Variants in VPS39 observed in about 807,000 individuals in gnomAD.
VPS39 encodes VPS39 subunit of HOPS complex.
In VPS39, 70 loss-of-function variants were observed where a neutral mutation model predicts 121.0. The observed-to-expected ratio is 0.58, with a 90% confidence interval of 0.48 to 0.71. The LOEUF (loss-of-function observed/expected upper bound fraction) is 0.71, where lower values mean the gene tolerates loss of function less well. Ranked by LOEUF, VPS39 falls within the 30% of genes least tolerant of loss-of-function variation. The pLI is 0.00. For synonymous variants in VPS39, 378 were observed against 398.1 expected (o/e 0.95, Z 0.60); for missense variants, 818 against 1,051.5 (o/e 0.78, Z 3.07).
At position 42,187,672 on chromosome 15, in the gene VPS39, G is replaced by T. The variant is rs185535527; in HGVS notation, c.441+86C>A. On this transcript the variant is annotated intron_variant, in intron 6 of 24. Transcript: ENST00000318006. ...ACCAGAGTATTCATTTGCGTAGAAT[G>T]ACAAGACTGGAGTCCTGAACTTCAC... The T allele has an allele frequency of 5.0e-6, 6 of 1,193,932 alleles. No homozygotes were observed. The East Asian group carries it at 1.4e-4, about 28-fold the overall frequency. The allele number at this position is 1,193,932 out of a possible 1,614,324, so 74.0% of individuals were successfully genotyped here. A position where few individuals can be genotyped will look rare whatever the true frequency, so the allele number is the denominator to read the frequency against.
In VPS39 at chr15:42,159,439, G is replaced by A. The variant is rs150212240; in HGVS notation, c.*1315C>T. 2.6e-5 allele frequency: 4 copies of A among 152,444 alleles called. No individual in the cohort carries two copies. The East Asian group carries it at 5.8e-4, about 22-fold the overall frequency. 9.4% of individuals were successfully genotyped at this position (152,444 alleles called of 1,614,324 possible). On this transcript the variant is annotated 3_prime_UTR_variant, in exon 25 of 25. Transcript: ENST00000318006. ...AACCCCGGGGAGGACAGGAGGCAGG[G>A]CCACTCTCCCTGTGTGTCATCAGCC...
chr15:42,166,393 G>C (rs1460179332), intron 15 of VPS39, among the ~76,000 whole-genome samples, 161 bp from the exon 16 acceptor site: 1 of 152,158 alleles, frequency 6.6e-6, no homozygotes, highest in East Asian at 1.9e-4. Flanking sequence ...TCCATACCAG[G>C]GGGCTGTCAC....
chr15:42,176,874 T>G (rs1429535814), intron 10 of VPS39, among the ~76,000 whole-genome samples: 1 of 152,084 alleles, frequency 6.6e-6, no homozygotes, highest in Non-Finnish European at 1.5e-5. Flanking sequence ...AAAGTATCAC[T>G]ATCTGAGGCT....
intron 8 of VPS39, among the ~76,000 whole-genome samples, chr15:42,180,955 A>G (rs2049568990): frequency 6.6e-6 from 1 of 152,198 alleles, no homozygotes; most frequent in South Asian, 2.1e-4. Flanking sequence ...GGAAAACAGT[A>G]TGGTGGTTCC....
chr15:42,158,726 GT>G lies in VPS39; in HGVS notation c.*2027del, dbSNP rs979603290. On this transcript the variant is annotated 3_prime_UTR_variant, in exon 25 of 25. Coordinates refer to ENST00000318006, the MANE Select transcript of VPS39 (RefSeq NM_015289.5). ...TAGGCTTGGTTTCTTGCTTTATTAGGTTTATTATAAGGAGCAGTGATGAGAT... is the reference window on the plus strand; with the variant it reads ...TAGGCTTGGTTTCTTGCTTTATTAGGTTATTATAAGGAGCAGTGATGAGAT... 1.3e-5 allele frequency: 2 copies of G among 152,178 alleles called. No homozygotes were observed. Among genetic ancestry groups the G allele is most frequent in the East Asian group, 3.8e-4 (2 of 5,200 alleles). 9.4% of individuals were successfully genotyped at this position (152,178 alleles called of 1,614,324 possible).
In VPS39 at chr15:42,162,088, G is replaced by T; in HGVS notation, c.2404C>A (p.Gln802Lys). The change falls in exon 23 of 25, where the codon CAA becomes AAA. Residue 802 changes from glutamine (Q) to lysine (K), a missense_variant. Transcript: ENST00000318006. Reference protein sequence around the residue: ...FLEKVLEENAQKKRFNQVLKN... With the variant: ...FLEKVLEENAKKKRFNQVLKN... ...AGCACTTGATTGAACCGTTTCTTTTGTGCATTTTCTTCCAAGACCTTTTCC... is the reference window on the plus strand; with the variant it reads ...AGCACTTGATTGAACCGTTTCTTTTTTGCATTTTCTTCCAAGACCTTTTCC... The T allele has an allele frequency of 6.2e-7, 1 of 1,614,174 alleles. No homozygotes were observed. The highest frequency in any genetic ancestry group is 8.5e-7 in the Non-Finnish European group (1 of 1,180,030).
At chr15:42,164,865 GCTC>G in intron 18 of VPS39, 128 bp downstream of exon 18, 7 of 1,474,142 alleles carry the variant, frequency 4.7e-6, no homozygotes, top group Non-Finnish European at 6.3e-6. Context: ...AGCTCCCCTG[GCTC>G]CTCTTCAGAA....
At chr15:42,165,291 A>C (rs1172194200) in intron 17 of VPS39, 178 bp from the exon 18 acceptor site, 3 of 616,232 alleles carry the variant, frequency 4.9e-6, no homozygotes, top group Non-Finnish European at 5.7e-6. Context: ...AATGCGACCC[A>C]GTAACGTGAG....
In VPS39 at chr15:42,158,966, C is replaced by A. The variant is rs2049076662; in HGVS notation, c.*1788G>T. 6.6e-6 allele frequency: 1 copy of A among 152,252 alleles called. No homozygotes were observed. The highest frequency in any genetic ancestry group is 6.5e-5 in the Admixed American group (1 of 15,286). The allele number at this position is 152,252 out of a possible 1,614,324, so 9.4% of individuals were successfully genotyped here. ...CAGCTGGCCAGGAAGGCAGGGCACA[C>A]ATGGCAGGTCAAGTTCCTGCTATCC... is the stretch of plus-strand genomic sequence containing the variant. On this transcript the variant is annotated 3_prime_UTR_variant, in exon 25 of 25. Coordinates refer to ENST00000318006, the MANE Select transcript of VPS39 (RefSeq NM_015289.5).
At position 42,161,716 on chromosome 15, in the gene VPS39, C is replaced by G; in HGVS notation, c.2518G>C (p.Val840Leu). ...QVKCIITEEK[V>L]CMVCKKKIGN... ...ATCTTCTTCTTACACACCATGCACA[C>G]CTTCTCCTCTGTGATGATGCACTTC... Residue 840 changes from valine to leucine, a missense_variant, in exon 24 of 25, where the codon GTG becomes CTG. Coordinates refer to ENST00000318006, the MANE Select transcript of VPS39 (RefSeq NM_015289.5). 6.2e-7 allele frequency: 1 copy of G among 1,614,218 alleles called. No homozygotes were observed. Among genetic ancestry groups the G allele is most frequent in the Non-Finnish European group, 8.5e-7 (1 of 1,180,038 alleles).
intron 16 of VPS39, 140 bp downstream of exon 16, chr15:42,166,019 C>T (rs1026923477): frequency 2.2e-5 from 22 of 997,538 alleles, no homozygotes; most frequent in East Asian, 1.2e-4. Flanking sequence ...AGTGCTGGCT[C>T]GCGCTTCCCA....
At chr15:42,182,395 TG>T (rs1467767780) in intron 8 of VPS39, among the ~76,000 whole-genome samples, 1 of 152,256 alleles carries the variant, frequency 6.6e-6, no homozygotes, top group Non-Finnish European at 1.5e-5. Context: ...GAAACCCCTT[TG>T]GTTGTCATAT....
In VPS39 at chr15:42,208,252, G is replaced by A. The variant is rs1046303783; in HGVS notation, c.-99C>T. 2 of 1,463,662 alleles carry A rather than the reference G, an allele frequency of 1.4e-6. No homozygotes were observed. The highest frequency in any genetic ancestry group is 2.8e-5 in the African/African-American group (2 of 71,172). The allele number at this position is 1,463,662 out of a possible 1,614,324, so 90.7% of individuals were successfully genotyped here. A position where few individuals can be genotyped will look rare whatever the true frequency, so the allele number is the denominator to read the frequency against. On this transcript the variant is annotated 5_prime_UTR_variant, in exon 1 of 25. Transcript: ENST00000318006. ...TGGGCTAAGGGTAGACCGGGATCCG[G>A]CCAGGAACCCCCCGGCTACAGGCCC... is the stretch of plus-strand genomic sequence containing the variant.
intron 11 of VPS39, 160 bp downstream of exon 11, chr15:42,173,563 A>G: frequency 1.2e-6 from 1 of 865,638 alleles, no homozygotes; most frequent in Non-Finnish European, 1.7e-6. Context: ...ATAGATATGT[A>G]ACCACTGTGG....
At chr15:42,172,879 T>C (rs758056633) in intron 11 of VPS39, among the ~76,000 whole-genome samples, 6 of 152,164 alleles carry the variant, frequency 3.9e-5, no homozygotes, top group Non-Finnish European at 8.8e-5. Context: ...TCTCCATTGC[T>C]CACAACCAAG....
At chr15:42,201,744 T>C (rs936385827) in intron 1 of VPS39, among the ~76,000 whole-genome samples, 11 of 152,346 alleles carry the variant, frequency 7.2e-5, no homozygotes, top group African/African-American at 2.6e-4. Context: ...GACAGACCCA[T>C]ATTACATCAT....
chr15:42,201,405 T>C (rs2050065407), intron 1 of VPS39, among the ~76,000 whole-genome samples: 1 of 152,214 alleles, frequency 6.6e-6, no homozygotes, highest in Non-Finnish European at 1.5e-5. Flanking sequence ...CTCCAACTCT[T>C]GACCGCAAGC....
chr15:42,177,211 A>G (rs1229890360), intron 10 of VPS39, among the ~76,000 whole-genome samples: 1 of 151,716 alleles, frequency 6.6e-6, no homozygotes, highest in Admixed American at 6.6e-5. Context: ...CCCCAAATAC[A>G]TAAAGTAGCA....
intron 2 of VPS39, among the ~76,000 whole-genome samples, chr15:42,194,792 G>A (rs914338694): frequency 1.3e-5 from 2 of 152,034 alleles, no homozygotes; most frequent in African/African-American, 4.8e-5. Context: ...ATGACCATCA[G>A]TACAGCTTGG....
Sources: gnomAD v4.1 joint callset for allele counts (sites outside exome capture counted in the v4.1 genomes callset) on GRCh38, gnomAD v4.1.1 for gene constraint, MANE v1.5 for transcripts, NCBI Gene and HGNC (gene_info 2026-07-23, HGNC 2026-07-21) for gene names.